The following PLSCR2 variants were observed in gnomAD, a reference collection of about 807,000 sequenced individuals.
PLSCR2 encodes phospholipid scramblase 2.
A neutral mutation model predicts 25.3 loss-of-function variants in PLSCR2; 18 were observed. That is an observed-to-expected ratio of 0.71 (90% CI 0.49 to 1.06). The LOEUF (loss-of-function observed/expected upper bound fraction) is 1.06. PLSCR2 is among the 50% of genes least tolerant of loss of function. The probability of loss-of-function intolerance (pLI) is 0.00; values close to 1 mark genes in which losing one functional copy is unlikely to be tolerated. For missense variants in PLSCR2, 243 were observed against 269.5 expected (o/e 0.90, Z 0.69); for synonymous variants, 88 against 87.3 (o/e 1.01, Z -0.04).
chr3:146,429,685 G>A (rs902445994), downstream of PLSCR2, among the ~76,000 whole-genome samples: 1 of 152,018 alleles, frequency 6.6e-6, no homozygotes, highest in Admixed American at 6.6e-5. Context: ...GAGTGCAGTG[G>A]CATGATCTCG....
At chr3:146,397,949 G>A (rs2038328647) in intron 2 of PLSCR2, among the ~76,000 whole-genome samples, 1 of 151,886 alleles carries the variant, frequency 6.6e-6, no homozygotes, top group African/African-American at 2.4e-5. Flanking sequence ...AAAATGAATT[G>A]ACATAATTCT....
Position 146,414,345 on chromosome 3 carries a change from T to G in PLSCR2, c.101-18424A>C, listed in dbSNP as rs139923271. On this transcript the variant is annotated intron_variant and NMD_transcript_variant, in intron 2 of 3. Transcript: ENST00000463633. ...CTTCAGAGGAAGCTCTTCAGTGCAATCCTGGATCTGACTCTTCCTTGATTC... is the reference window on the plus strand; with the variant it reads ...CTTCAGAGGAAGCTCTTCAGTGCAAGCCTGGATCTGACTCTTCCTTGATTC... 9.1e-4 allele frequency among the ~76,000 whole-genome samples: 139 copies of G among 152,330 alleles called. 1 individual carries two copies. Among genetic ancestry groups the G allele is most frequent in the African/African-American group, 3.2e-3 (135 of 41,586 alleles).
downstream of PLSCR2, among the ~76,000 whole-genome samples, chr3:146,428,532 G>T (rs1432778456): frequency 3.3e-5 from 5 of 152,160 alleles, no homozygotes; most frequent in Admixed American, 2.0e-4. Flanking sequence ...CTTGGTTTGT[G>T]GGAATAGTAA....
downstream of PLSCR2, among the ~76,000 whole-genome samples, chr3:146,430,749 C>T (rs1382727204): frequency 6.6e-6 from 1 of 151,224 alleles, no homozygotes; most frequent in African/African-American, 2.4e-5. Context: ...ACTTTCACTT[C>T]CCCCCACCCC....
In PLSCR2 at chr3:146,418,164, C is replaced by T. The variant is rs376627271; in HGVS notation, c.101-22243G>A. On this transcript the variant is annotated intron_variant and NMD_transcript_variant, in intron 2 of 3. Transcript: ENST00000463633. ...TTCATCTAGGTAATATATCTACTGG[C>T]TTTCTGGATTATGATATAGGTATGT... Among the ~76,000 whole-genome samples, 83 of 152,254 alleles carry T rather than the reference C, an allele frequency of 5.5e-4. 2 individuals carry two copies. Among genetic ancestry groups the T allele is most frequent in the East Asian group, 3.9e-3 (20 of 5,186 alleles).
intron 1 of PLSCR2, among the ~76,000 whole-genome samples, chr3:146,481,053 C>T (rs2043112378): frequency 6.6e-6 from 1 of 152,110 alleles, no homozygotes; most frequent in Non-Finnish European, 1.5e-5. Context: ...TAAAAACTCT[C>T]AATAAACTAG....
intron 2 of PLSCR2, chr3:146,416,382 CTT>C (rs1459382307): frequency 6.6e-6 from 1 of 152,060 alleles, no homozygotes; most frequent in Admixed American, 6.5e-5. Context: ...ATATAAAAAT[CTT>C]AATGTTAAAG....
chr3:146,401,862 TC>T (rs981767517), intron 2 of PLSCR2, among the ~76,000 whole-genome samples: 5 of 151,826 alleles, frequency 3.3e-5, no homozygotes, highest in Admixed American at 3.3e-4. Context: ...TTATTCTTCA[TC>T]TTTTCCTTAT....
At chr3:146,486,140 C>T (rs746117345) in intron 1 of PLSCR2, among the ~76,000 whole-genome samples, 2 of 152,078 alleles carry the variant, frequency 1.3e-5, no homozygotes, top group Non-Finnish European at 2.9e-5. Context: ...AGACAATGTA[C>T]CCAAATCTCT....
At chr3:146,484,238 G>GA (rs1267040750) in intron 1 of PLSCR2, among the ~76,000 whole-genome samples, 5 of 149,942 alleles carry the variant, frequency 3.3e-5, no homozygotes, top group Non-Finnish European at 7.4e-5. Flanking sequence ...CAAGATTAGA[G>GA]AAAAAAGAAT....
chr3:146,412,724 T>C (rs2038895760), intron 2 of PLSCR2, among the ~76,000 whole-genome samples: 1 of 152,128 alleles, frequency 6.6e-6, no homozygotes, highest in Non-Finnish European at 1.5e-5. Flanking sequence ...AGGTTCTTAT[T>C]CCTGACGCAG....
chr3:146,391,567 A>G (rs13064298), intron 3 of PLSCR2: 76,534 of 152,290 alleles, frequency 0.5, 19,898 homozygotes, highest in South Asian at 0.71. Context: ...GTATTCCTAG[A>G]ATGAAAATGA....
upstream of PLSCR2, among the ~76,000 whole-genome samples, chr3:146,464,251 G>T (rs1470086213): frequency 1.3e-5 from 2 of 152,124 alleles, no homozygotes; most frequent in African/African-American, 4.8e-5. Context: ...AGCTTTCCTG[G>T]TCTCCAGTTT....
intron 1 of PLSCR2, among the ~76,000 whole-genome samples, chr3:146,494,122 T>C (rs1231230404): frequency 6.6e-6 from 1 of 152,072 alleles, no homozygotes; most frequent in African/African-American, 2.4e-5. Flanking sequence ...AGGTCATTGG[T>C]TAATGTTCGG....
Position 146,479,178 on chromosome 3 carries a change from C to T in PLSCR2, c.-293+16717G>A, listed in dbSNP as rs151261940. 8.7e-3 allele frequency among the ~76,000 whole-genome samples: 1,330 copies of T among 152,288 alleles called. 31 individuals carry two copies. The highest frequency in any genetic ancestry group is 0.058 in the Middle Eastern group (17 of 294). ...GACCATTGATGCTAGGAAGAAACTG[C>T]ATCAATTAACGGGCAAAATAACCAG... On this transcript the variant is annotated intron_variant, in intron 1 of 8. Coordinates refer to the PLSCR2 transcript ENST00000336685.
intron 8 of PLSCR2, among the ~76,000 whole-genome samples, chr3:146,434,056 G>C (rs1403644): frequency 0.48 from 73,636 of 151,972 alleles, 18,801 homozygotes; most frequent in South Asian, 0.7. Context: ...TTAAGTTTCT[G>C]ACAGCTGGAA....
chr3:146,460,828 A>G (rs1445468279), upstream of PLSCR2, among the ~76,000 whole-genome samples: 1 of 152,196 alleles, frequency 6.6e-6, no homozygotes, highest in Non-Finnish European at 1.5e-5. Flanking sequence ...GTCTGGGCCA[A>G]TGGGTTACGA....
downstream of PLSCR2, among the ~76,000 whole-genome samples, chr3:146,431,630 A>G (rs2039548991): frequency 6.6e-6 from 1 of 152,224 alleles, no homozygotes; most frequent in African/African-American, 2.4e-5. Context: ...ACAGTGAATT[A>G]CAGGTAAGAA....
upstream of PLSCR2, among the ~76,000 whole-genome samples, chr3:146,463,415 A>C (rs557033379): frequency 1.4e-3 from 216 of 152,234 alleles, no homozygotes; most frequent in Non-Finnish European, 2.2e-3. Flanking sequence ...TCGGCCTCCC[A>C]AAGTGCTGGG....
Sources: gnomAD v4.1 joint callset for allele counts (sites outside exome capture counted in the v4.1 genomes callset) on GRCh38, gnomAD v4.1.1 for gene constraint, MANE v1.5 for transcripts, NCBI Gene and HGNC (gene_info 2026-07-23, HGNC 2026-07-21) for gene names.